Variants in SLC44A1 observed in about 807,000 individuals in gnomAD.
SLC44A1 encodes the protein solute carrier family 44 member 1.
In SLC44A1, 26 loss-of-function variants were observed where a neutral mutation model predicts 79.3. That is an observed-to-expected ratio of 0.33 (90% CI 0.24 to 0.46). The LOEUF (loss-of-function observed/expected upper bound fraction) is 0.46, where lower values mean the gene tolerates loss of function less well. Ranked by LOEUF, SLC44A1 falls within the 20% of genes least tolerant of loss-of-function variation. SLC44A1 has a pLI of 1.00. For synonymous variants in SLC44A1, 263 were observed against 286.2 expected, an observed-to-expected ratio of 0.92 and a Z score of 0.82; for missense variants, 688 against 798.1, an observed-to-expected ratio of 0.86 and a Z score of 1.66.
intron 1 of SLC44A1, among the ~76,000 whole-genome samples, chr9:105,270,651 C>T (rs1013010955): frequency 1.3e-5 from 2 of 152,224 alleles, no homozygotes; most frequent in Non-Finnish European, 2.9e-5. Flanking sequence ...CTCAGTTCTA[C>T]ACCTTGTACC....
chr9:105,397,576 G>C (rs898652024), downstream of SLC44A1, among the ~76,000 whole-genome samples: 4 of 152,138 alleles, frequency 2.6e-5, no homozygotes, highest in Non-Finnish European at 5.9e-5. Flanking sequence ...GCCAGGCCAG[G>C]CTTCATAGCT....
At chr9:105,272,031 C>G (rs1830091034) in intron 1 of SLC44A1, among the ~76,000 whole-genome samples, 1 of 152,160 alleles carries the variant, frequency 6.6e-6, no homozygotes, top group African/African-American at 2.4e-5. Context: ...TAGTTGAAAG[C>G]AAGAGTCTGT....
intron 1 of SLC44A1, among the ~76,000 whole-genome samples, chr9:105,269,728 T>G (rs1830037237): frequency 6.6e-6 from 1 of 152,240 alleles, no homozygotes; most frequent in Non-Finnish European, 1.5e-5. Context: ...GTTGTATTGC[T>G]GTGGTTTTCT....
At chr9:105,355,994 G>T (rs1168487838) in intron 5 of SLC44A1, 2 of 533,138 alleles carry the variant, frequency 3.8e-6, no homozygotes, top group South Asian at 2.4e-5. Flanking sequence ...GTTGGAACAT[G>T]CACTCCACCC....
chr9:105,282,284 A>G (rs1164452433), intron 1 of SLC44A1, among the ~76,000 whole-genome samples: 2 of 150,826 alleles, frequency 1.3e-5, no homozygotes, highest in African/African-American at 2.4e-5. Flanking sequence ...TCATTTGTAG[A>G]GCTATTAATT....
At chr9:105,437,966 T>G (rs934889814) in intron 15 of SLC44A1, among the ~76,000 whole-genome samples, 1 of 152,236 alleles carries the variant, frequency 6.6e-6, no homozygotes, top group African/African-American at 2.4e-5. Context: ...GTGTTTTAAG[T>G]ACTTTGTATT....
At chr9:105,365,740 TTCTTC>T in intron 11 of SLC44A1, 101 bp downstream of exon 11, 1 of 1,234,068 alleles carries the variant, frequency 8.1e-7, no homozygotes, top group Non-Finnish European at 1.1e-6. Flanking sequence ...AAGTTGTGTT[TTCTTC>T]AAAGTCTTTA....
intron 1 of SLC44A1, among the ~76,000 whole-genome samples, chr9:105,251,589 G>A (rs1829589930): frequency 6.6e-6 from 1 of 152,226 alleles, no homozygotes; most frequent in Admixed American, 6.5e-5. Flanking sequence ...GACCCTGTGT[G>A]TGGCTGTTCT....
In SLC44A1 at chr9:105,265,253, T is replaced by C. The variant is rs985709555; in HGVS notation, c.36+20349T>C. Among the ~76,000 whole-genome samples, 8 of 152,342 alleles carry C rather than the reference T, an allele frequency of 5.3e-5. No homozygotes were observed. In the East Asian group the frequency reaches 5.8e-4, roughly 11 times the overall value. ...GGAGCCACCACCACCAGTAGCAAGA[T>C]ACAGAACAGTTCTCACTTCCAAAAA... On this transcript the variant is annotated intron_variant, in intron 1 of 15. Transcript: ENST00000374720.
intron 13 of SLC44A1, among the ~76,000 whole-genome samples, chr9:105,381,709 T>C (rs2131462088): frequency 6.6e-6 from 1 of 152,292 alleles, no homozygotes; most frequent in African/African-American, 2.4e-5. Context: ...AGTGTGTTGC[T>C]ACAAAAATGG....
intron 15 of SLC44A1, among the ~76,000 whole-genome samples, chr9:105,426,032 C>G (rs934217128): frequency 3.9e-5 from 6 of 152,122 alleles, no homozygotes; most frequent in Admixed American, 1.3e-4. Flanking sequence ...TCTGCCTGTT[C>G]TGTGTAGGAG....
At chr9:105,254,685 A>G (rs1424855070) in intron 1 of SLC44A1, among the ~76,000 whole-genome samples, 1 of 152,204 alleles carries the variant, frequency 6.6e-6, no homozygotes, top group African/African-American at 2.4e-5. Flanking sequence ...TGCTCAAGCC[A>G]TTGCTGAAAC....
intron 3 of SLC44A1, among the ~76,000 whole-genome samples, chr9:105,326,596 T>G (rs1826584504): frequency 6.6e-6 from 1 of 152,196 alleles, no homozygotes; most frequent in Non-Finnish European, 1.5e-5. Flanking sequence ...GTCATCTTGC[T>G]TTTTACTCTT....
chr9:105,397,156 C>T lies in SLC44A1; in HGVS notation c.*8100C>T, dbSNP rs1450947457. The T allele has an allele frequency of 9.1e-6, 9 of 985,256 alleles. No individual in the cohort carries two copies. In the East Asian group the frequency reaches 1.0e-3, roughly 112 times the overall value. The allele number at this position is 985,256 out of a possible 1,614,324, so 61.0% of individuals were successfully genotyped here. A position where few individuals can be genotyped will look rare whatever the true frequency, so the allele number is the denominator to read the frequency against. ...ATTCCATCTGGCTTCAGAGAACAAT[C>T]AGCCTATATGAAACGGAGCTTTGAA... On this transcript the variant is annotated 3_prime_UTR_variant, in exon 16 of 16. Coordinates refer to ENST00000374720, the MANE Select transcript of SLC44A1 (RefSeq NM_080546.5).
intron 4 of SLC44A1, among the ~76,000 whole-genome samples, chr9:105,342,343 C>T (rs1827119963): frequency 6.6e-6 from 1 of 152,158 alleles, no homozygotes; most frequent in African/African-American, 2.4e-5. Context: ...TGTATGCTAC[C>T]CACCAGTTAG....
intron 1 of SLC44A1, among the ~76,000 whole-genome samples, chr9:105,264,780 T>G (rs4576475): frequency 0.017 from 2,505 of 151,648 alleles, 67 homozygotes; most frequent in African/African-American, 0.057. Context: ...AAGATCTCCC[T>G]TCACATCATA....
intron 1 of SLC44A1, among the ~76,000 whole-genome samples, chr9:105,277,904 A>G (rs1433898849): frequency 6.6e-6 from 1 of 152,232 alleles, no homozygotes; most frequent in Non-Finnish European, 1.5e-5. Context: ...AATTCTGTGT[A>G]GCTGTAAACC....
At chr9:105,438,502 A>C in exon 16 of SLC44A1, 1 of 514,126 alleles carries the variant, frequency 1.9e-6, no homozygotes, top group Non-Finnish European at 3.4e-6. Flanking sequence ...CATTTGATAG[A>C]AATCTGTCTT....
intron 15 of SLC44A1, among the ~76,000 whole-genome samples, chr9:105,427,825 G>A (rs767987019): frequency 6.6e-6 from 1 of 151,988 alleles, no homozygotes; most frequent in African/African-American, 2.4e-5. Flanking sequence ...TTCCACATCC[G>A]GCAGATACTC....
Sources: gnomAD v4.1 joint callset for allele counts (sites outside exome capture counted in the v4.1 genomes callset) on GRCh38, gnomAD v4.1.1 for gene constraint, MANE v1.5 for transcripts, NCBI Gene and HGNC (gene_info 2026-07-23, HGNC 2026-07-21) for gene names.